Variants in SPRED2 observed in about 807,000 individuals in gnomAD.
SPRED2 encodes the protein sprouty-related, EVH1 domain-containing protein 2.
A neutral mutation model predicts 43.0 loss-of-function variants in SPRED2; 47 were observed. The observed-to-expected ratio is 1.09, with a 90% CI of 0.87 to 1.40. The LOEUF (loss-of-function observed/expected upper bound fraction) is 1.40. SPRED2 is among the 40% of genes most tolerant of loss of function. The pLI is 0.00. For missense variants in SPRED2, 561 were observed against 586.4 expected, an observed-to-expected ratio of 0.96 and a Z score of 0.45; for synonymous variants, 225 against 225.7, an observed-to-expected ratio of 1.00 and a Z score of 0.03.
intron 4 of SPRED2, among the ~76,000 whole-genome samples, chr2:65,329,753 C>CT (rs906110107): frequency 2.0e-5 from 3 of 152,170 alleles, no homozygotes; most frequent in Non-Finnish European, 4.4e-5. Context: ...AACCCGCCTG[C>CT]TGTTGTTTGT....
At chr2:65,316,674 GCCATT>G in intron 5 of SPRED2, 55 bp downstream of exon 5, 1 of 1,551,110 alleles carries the variant, frequency 6.4e-7, no homozygotes, top group Non-Finnish European at 8.7e-7. Flanking sequence ...GGGGAAAGAG[GCCATT>G]CCAGAATCAG....
chr2:65,419,028 C>T (rs1328003535), intron 1 of SPRED2, among the ~76,000 whole-genome samples: 2 of 152,110 alleles, frequency 1.3e-5, no homozygotes, highest in African/African-American at 4.8e-5. Context: ...AAAACTGAGT[C>T]TAGGGATGCT....
intron 1 of SPRED2, among the ~76,000 whole-genome samples, chr2:65,406,436 C>T (rs1168577788): frequency 6.6e-6 from 1 of 152,164 alleles, no homozygotes; most frequent in African/African-American, 2.4e-5. Flanking sequence ...TAGGCAGGAC[C>T]CAATATTTTA....
At chr2:65,404,205 C>CA (rs66929038) in intron 1 of SPRED2, among the ~76,000 whole-genome samples, 49,722 of 135,706 alleles carry the variant, frequency 0.37, 9,293 homozygotes, top group Middle Eastern at 0.46. Context: ...GACTCCGTCT[C>CA]AAAAAAAAAA....
At chr2:65,323,483 G>A (rs1043053800) in intron 4 of SPRED2, among the ~76,000 whole-genome samples, 9 of 152,096 alleles carry the variant, frequency 5.9e-5, no homozygotes, top group Non-Finnish European at 1.0e-4. Flanking sequence ...GCAGGTGTCA[G>A]AGGGTACAGA....
rs1673142706 is a variant in SPRED2 at position 65,313,763 on chromosome 2, G to T, written c.995C>A (p.Ser332Tyr). 1 of 1,614,198 alleles carries T rather than the reference G, an allele frequency of 6.2e-7. No homozygotes were observed. The highest frequency in any genetic ancestry group is 2.2e-5 in the East Asian group (1 of 44,870). ...CACCCGGCGGATGCAAGTTCTCACG[G>T]AGTCGGGCGCGTCCTGGCAGTGGCC... ...RRGHCQDAPDSVRTCIRRVSC... is the reference protein window; with the variant it reads ...RRGHCQDAPDYVRTCIRRVSC... The change falls in exon 6 of 6, where the codon TCC (serine) becomes TAC (tyrosine). Residue 332 changes from serine to tyrosine, a missense_variant. By Grantham distance (144) the Ser-to-Tyr change is moderately radical. Around this residue, in one of 6 missense-constraint regions of SPRED2, gnomAD observed 164 missense variants for 164.1 expected, o/e 1.00. Transcript: ENST00000356388.
At chr2:65,326,488 G>C (rs933239457) in intron 4 of SPRED2, among the ~76,000 whole-genome samples, 7 of 152,198 alleles carry the variant, frequency 4.6e-5, no homozygotes, top group African/African-American at 1.7e-4. Flanking sequence ...AGCAGATCAG[G>C]AAGTAGGCCA....
rs1572825965 is a variant in SPRED2 at position 65,313,323 on chromosome 2, T to G, written c.*178A>C. On this transcript the variant is annotated 3_prime_UTR_variant, in exon 6 of 6. Transcript: ENST00000356388. ...GCTGCAGTGTGGGCGGCAGGGGGAG[T>G]GGAGAGTCTACCCGGCAGCGTCCCT... The G allele has an allele frequency of 1.4e-6, 2 of 1,438,910 alleles. No homozygotes were observed. The highest frequency in any genetic ancestry group is 1.5e-5 in the South Asian group (1 of 66,578). The allele number at this position is 1,438,910 out of a possible 1,614,324, so 89.1% of individuals were successfully genotyped here. A position where few individuals can be genotyped will look rare whatever the true frequency, so the allele number is the denominator to read the frequency against.
chr2:65,422,053 G>A (rs1184160790), intron 1 of SPRED2, among the ~76,000 whole-genome samples: 7 of 150,846 alleles, frequency 4.6e-5, no homozygotes, highest in Non-Finnish European at 1.0e-4. Context: ...ATCCATGTGT[G>A]AATGTGTACG....
In SPRED2 at chr2:65,375,789, A is replaced by G. The variant is rs546660951; in HGVS notation, c.27-30893T>C. On this transcript the variant is annotated intron_variant, in intron 1 of 5. Coordinates refer to ENST00000356388, the MANE Select transcript of SPRED2 (RefSeq NM_181784.3). The stretch of plus-strand genomic sequence containing the variant: ...CGGTTCTTTGTTTCAAGTCTCCCCA[A>G]AGATCTTCTCTGCCTCTTTCTCCAC... Among the ~76,000 whole-genome samples, 3 of 152,308 alleles carry G rather than the reference A, an allele frequency of 2.0e-5. No homozygotes were observed. In the East Asian group the frequency reaches 5.8e-4, roughly 29 times the overall value.
At chr2:65,339,359 C>G (rs997462308) in intron 2 of SPRED2, among the ~76,000 whole-genome samples, 1 of 151,938 alleles carries the variant, frequency 6.6e-6, no homozygotes, top group South Asian at 2.1e-4. Flanking sequence ...ACATGGGCGA[C>G]TTTTCATTTT....
chr2:65,382,304 GA>G (rs1176780693), intron 1 of SPRED2, among the ~76,000 whole-genome samples: 2 of 150,784 alleles, frequency 1.3e-5, no homozygotes, highest in Non-Finnish European at 2.9e-5. Flanking sequence ...AGAAGGCTAC[GA>G]AGAAGAAGAA....
chr2:65,427,786 G>C (rs1248002519), intron 1 of SPRED2, among the ~76,000 whole-genome samples: 1 of 152,218 alleles, frequency 6.6e-6, no homozygotes, highest in African/African-American at 2.4e-5. Flanking sequence ...TGCGAGCTCT[G>C]AGTCAGAACG....
chr2:65,402,291 A>C (rs1298139396), intron 1 of SPRED2, among the ~76,000 whole-genome samples: 7 of 151,120 alleles, frequency 4.6e-5, no homozygotes, highest in Admixed American at 6.6e-5. Flanking sequence ...AAAAAAAAAA[A>C]AAAAAAAAAA....
intron 2 of SPRED2, among the ~76,000 whole-genome samples, chr2:65,338,910 A>T (rs1387878504): frequency 1.7e-4 from 15 of 85,760 alleles, no homozygotes; most frequent in East Asian, 1.1e-3. Flanking sequence ...TCTGCCCGGC[A>T]GCCCATCGTC....
intron 1 of SPRED2, chr2:65,366,513 C>A: frequency 6.8e-7 from 1 of 1,464,090 alleles, no homozygotes; most frequent in South Asian, 1.3e-5. Flanking sequence ...TAAAAAAATG[C>A]TAAAAGCAGG....
chr2:65,356,237 TA>T (rs1377368293), intron 1 of SPRED2, among the ~76,000 whole-genome samples: 2 of 152,140 alleles, frequency 1.3e-5, no homozygotes, highest in African/African-American at 4.8e-5. Context: ...GAAATGCATT[TA>T]AAAAAACATG....
In SPRED2 at chr2:65,313,413, G is replaced by C. The variant is rs922920281; in HGVS notation, c.*88C>G. The stretch of plus-strand genomic sequence containing the variant: ...CCGCTTGCCCTCCTCGCTCCTTGGA[G>C]TGGAAGGGAGCGGGGGAGAAGATGA... On this transcript the variant is annotated 3_prime_UTR_variant, in exon 6 of 6. Coordinates refer to ENST00000356388, the MANE Select transcript of SPRED2 (RefSeq NM_181784.3). The C allele has an allele frequency of 1.3e-6, 2 of 1,513,978 alleles. No individual in the cohort carries two copies. The highest frequency in any genetic ancestry group is 1.8e-6 in the Non-Finnish European group (2 of 1,136,842). The allele number at this position is 1,513,978 out of a possible 1,614,324, so 93.8% of individuals were successfully genotyped here. A position where few individuals can be genotyped will look rare whatever the true frequency, so the allele number is the denominator to read the frequency against.
intron 1 of SPRED2, among the ~76,000 whole-genome samples, chr2:65,398,916 G>A (rs1675817400): frequency 6.6e-6 from 1 of 152,196 alleles, no homozygotes; most frequent in Non-Finnish European, 1.5e-5. Flanking sequence ...CATGTTTATA[G>A]AAGCACAATG....
Sources: allele counts gnomAD v4.1 joint callset (sites outside exome capture counted in the v4.1 genomes callset), GRCh38; gene constraint gnomAD v4.1.1; regional missense constraint gnomAD v4.1.1; transcripts MANE v1.5; gene names NCBI Gene and HGNC (gene_info 2026-07-23, HGNC 2026-07-21).